The following PTER variants were observed in gnomAD, a reference collection of about 807,000 sequenced individuals.
PTER encodes the protein phosphotriesterase related.
PTER carries 38 observed loss-of-function variants against 29.6 expected under a neutral mutation model. That is an observed-to-expected ratio of 1.28 (90% CI 0.99 to 1.68). The LOEUF (loss-of-function observed/expected upper bound fraction) is 1.68, where lower values mean the gene tolerates loss of function less well. Ranked by LOEUF, PTER falls within the 40% of genes most tolerant of loss-of-function variation. The pLI is 0.00. For synonymous variants in PTER, 172 were observed against 154.5 expected, an observed-to-expected ratio of 1.11 and a Z score of -0.84; for missense variants, 482 against 427.8, an observed-to-expected ratio of 1.13 and a Z score of -1.12.
chr10:16,456,953 T>C (rs1416441541), intron 1 of PTER, among the ~76,000 whole-genome samples: 2 of 151,938 alleles, frequency 1.3e-5, no homozygotes, highest in Admixed American at 6.6e-5. Context: ...TTCACTTGGC[T>C]CTCTCATTCT....
chr10:16,483,014 T>C (rs1835539060), intron 1 of PTER, among the ~76,000 whole-genome samples: 1 of 152,150 alleles, frequency 6.6e-6, no homozygotes, highest in Admixed American at 6.5e-5. Flanking sequence ...ACTCCTGGCC[T>C]TATGTGATCT....
At chr10:16,445,602 A>G (rs992992186) in intron 1 of PTER, among the ~76,000 whole-genome samples, 3 of 152,104 alleles carry the variant, frequency 2.0e-5, no homozygotes, top group African/African-American at 7.2e-5. Context: ...CTCAGGCTGC[A>G]GTGTCTCCAA....
At chr10:16,514,431 C>T (rs1836916436), downstream of PTER, 3 of 958,806 alleles carry the variant, frequency 3.1e-6, no homozygotes, top group Non-Finnish European at 4.9e-6. Context: ...AACTGAGGTG[C>T]CCTGCCATTG....
At chr10:16,447,643 T>C (rs1834063781) in intron 1 of PTER, among the ~76,000 whole-genome samples, 1 of 152,242 alleles carries the variant, frequency 6.6e-6, no homozygotes, top group South Asian at 2.1e-4. Context: ...TCTATAAATA[T>C]GCGAAAGCTT....
intron 4 of PTER, 39 bp downstream of exon 4, chr10:16,505,199 TA>T: frequency 6.2e-7 from 1 of 1,604,466 alleles, no homozygotes; most frequent in South Asian, 1.1e-5. Context: ...TCCCTTTCCC[TA>T]GCCCTTTTTG....
intron 1 of PTER, among the ~76,000 whole-genome samples, chr10:16,444,281 C>T (rs540817951): frequency 5.3e-5 from 8 of 152,244 alleles, no homozygotes; most frequent in African/African-American, 1.9e-4. Flanking sequence ...GCATGAACCA[C>T]CGCACCCGGC....
chr10:16,513,257 A>G lies in PTER; in HGVS notation c.*2001A>G, dbSNP rs996727859. The G allele has an allele frequency of 6.6e-6, 1 of 152,504 alleles. No homozygotes were observed. The highest frequency in any genetic ancestry group is 2.4e-5 in the African/African-American group (1 of 41,424). The allele number at this position is 152,504 out of a possible 1,614,324, so 9.4% of individuals were successfully genotyped here. A position where few individuals can be genotyped will look rare whatever the true frequency, so the allele number is the denominator to read the frequency against. On this transcript the variant is annotated 3_prime_UTR_variant, in exon 5 of 5. Transcript: ENST00000535784. ...ATTTTAACTGTTTTTGCTACTCCAT[A>G]TATTGTCATTCAAAATATATTTTAA... is the stretch of plus-strand genomic sequence containing the variant.
At chr10:16,507,264 T>C (rs910093438) in intron 4 of PTER, among the ~76,000 whole-genome samples, 1 of 151,366 alleles carries the variant, frequency 6.6e-6, no homozygotes, top group South Asian at 2.1e-4. Context: ...TATATATATG[T>C]GTGTGTGTAT....
At chr10:16,502,845 C>G (rs917144689) in intron 3 of PTER, among the ~76,000 whole-genome samples, 6 of 151,438 alleles carry the variant, frequency 4.0e-5, no homozygotes, top group Admixed American at 1.3e-4. Flanking sequence ...AACAATTAGC[C>G]GGGAGCAGTG....
rs1304192306 is a variant in PTER at position 16,513,659 on chromosome 10, T to A, written c.*2403T>A. 1 of 152,576 alleles carries A rather than the reference T, an allele frequency of 6.6e-6. No homozygotes were observed. The highest frequency in any genetic ancestry group is 1.5e-5 in the Non-Finnish European group (1 of 68,006). 9.5% of individuals were successfully genotyped at this position (152,576 alleles called of 1,614,324 possible). Reference sequence around the variant, plus strand: ...TCAAATTAAACCTTTGTGCATTGGGTTATGAATAATCTTTTCTTCCAAAGA... The same window carrying A: ...TCAAATTAAACCTTTGTGCATTGGGATATGAATAATCTTTTCTTCCAAAGA... On this transcript the variant is annotated 3_prime_UTR_variant, in exon 5 of 5. Coordinates refer to ENST00000535784, the MANE Select transcript of PTER (RefSeq NM_001261836.2).
chr10:16,496,337 G>C (rs75583216), intron 3 of PTER, among the ~76,000 whole-genome samples: 3,257 of 152,242 alleles, frequency 0.021, 101 homozygotes, highest in African/African-American at 0.071. Context: ...CGAAGGTCTT[G>C]GTCTTCTGGT....
chr10:16,489,776 T>G (rs1368233978), intron 3 of PTER, among the ~76,000 whole-genome samples: 3 of 152,226 alleles, frequency 2.0e-5, no homozygotes, highest in African/African-American at 4.8e-5. Flanking sequence ...ATTTGACTAC[T>G]CTAGGTACCT....
intron 1 of PTER, among the ~76,000 whole-genome samples, chr10:16,459,621 C>T (rs1201814773): frequency 6.6e-6 from 1 of 152,158 alleles, no homozygotes; most frequent in East Asian, 1.9e-4. Flanking sequence ...TGTATTCCCT[C>T]CTAATTATGA....
intron 1 of PTER, among the ~76,000 whole-genome samples, chr10:16,441,127 T>C (rs1265663439): frequency 1.3e-5 from 2 of 152,224 alleles, no homozygotes; most frequent in African/African-American, 4.8e-5. Context: ...CATGTTAAAG[T>C]GTAAAATAGG....
At chr10:16,456,862 T>TG (rs10682284) in intron 1 of PTER, among the ~76,000 whole-genome samples, 7,252 of 113,610 alleles carry the variant, frequency 0.064, 847 homozygotes, top group African/African-American at 0.2. Context: ...ATGGGGAAGG[T>TG]GGGGGGGGGT....
At chr10:16,467,320 A>G (rs1305863800) in intron 1 of PTER, among the ~76,000 whole-genome samples, 3 of 152,182 alleles carry the variant, frequency 2.0e-5, no homozygotes, top group Admixed American at 6.5e-5. Flanking sequence ...ATAAGTATGT[A>G]TATATGGGAC....
chr10:16,508,775 G>T (rs7073167), intron 4 of PTER, among the ~76,000 whole-genome samples: 5,670 of 152,096 alleles, frequency 0.037, 274 homozygotes, highest in African/African-American at 0.12. Context: ...ATGCATTCTC[G>T]CTTGACCCAA....
intron 3 of PTER, among the ~76,000 whole-genome samples, chr10:16,501,359 ACACACACACATG>A (rs1241285394): frequency 9.5e-6 from 1 of 105,176 alleles, no homozygotes; most frequent in Admixed American, 1.0e-4. Flanking sequence ...ACACACACAC[ACACACACACATG>A]CACACACACA....
chr10:16,506,085 C>A (rs537613821), intron 4 of PTER, among the ~76,000 whole-genome samples: 5 of 150,780 alleles, frequency 3.3e-5, no homozygotes, highest in South Asian at 4.2e-4. Context: ...AGTCTCAGGG[C>A]AGAAGGGCTT....
Sources: allele counts gnomAD v4.1 joint callset (sites outside exome capture counted in the v4.1 genomes callset), GRCh38; gene constraint gnomAD v4.1.1; transcripts MANE v1.5; gene names NCBI Gene and HGNC (gene_info 2026-07-23, HGNC 2026-07-21).